The following ACOT1 variants were observed in gnomAD, a reference collection of about 807,000 sequenced individuals.
ACOT1 encodes acyl-coenzyme A thioesterase 1.
Under a neutral mutation model 15.7 loss-of-function variants are expected in ACOT1, and 8 were observed. That is an observed-to-expected ratio of 0.51 (90% confidence interval 0.30 to 0.92). ACOT1 has a LOEUF of 0.92. ACOT1 is among the 40% of genes least tolerant of loss of function. The probability of loss-of-function intolerance (pLI) is 0.06; values close to 1 mark genes in which losing one functional copy is unlikely to be tolerated. For synonymous variants in ACOT1, 67 were observed against 241.2 expected (o/e 0.28, Z 6.69); for missense variants, 151 against 539.4 (o/e 0.28, Z 7.13).
the ACOT1 span, chr14:73,498,303 G>T: frequency 6.2e-7 from 1 of 1,611,852 alleles, no homozygotes; most frequent in Non-Finnish European, 8.5e-7. Flanking sequence ...CAGAGCAGAA[G>T]ATCCGTCAGC....
upstream of ACOT1, among the ~76,000 whole-genome samples, chr14:73,534,807 C>CTT (rs553194860): frequency 6.4e-5 from 6 of 93,872 alleles, no homozygotes; most frequent in African/African-American, 2.1e-4. Flanking sequence ...ATCTTTTCTG[C>CTT]TTTTTTTTTT....
chr14:73,528,392 CAA>C, the ACOT1 span, among the ~76,000 whole-genome samples: 1,269 of 88,442 alleles, frequency 0.014, 15 homozygotes, highest in African/African-American at 0.059. Flanking sequence ...AACTTCATCT[CAA>C]AAAAAAAAAA....
At chr14:73,512,821 T>A in the ACOT1 span, among the ~76,000 whole-genome samples, 1 of 152,208 alleles carries the variant, frequency 6.6e-6, no homozygotes, top group Non-Finnish European at 1.5e-5. Flanking sequence ...CCTTCAGTCT[T>A]TTTTGTTATT....
At chr14:73,501,011 A>G in the ACOT1 span, among the ~76,000 whole-genome samples, 2 of 152,218 alleles carry the variant, frequency 1.3e-5, no homozygotes, top group Non-Finnish European at 1.5e-5. Flanking sequence ...TTCACAGTCA[A>G]GTTCTCTTCT....
At chr14:73,505,890 C>CTTTTTTTTTTTTTTTTTTTTTTTTTT in the ACOT1 span, among the ~76,000 whole-genome samples, 1 of 113,324 alleles carries the variant, frequency 8.8e-6, no homozygotes, top group Non-Finnish European at 1.8e-5. Flanking sequence ...ATAAACGTTT[C>CTTTTTTTTTTTTTTTTTTTTTTTTTT]TTTTTTTTTT....
chr14:73,518,528 C>G, the ACOT1 span, among the ~76,000 whole-genome samples: 1 of 152,092 alleles, frequency 6.6e-6, no homozygotes, highest in African/African-American at 2.4e-5. Context: ...GGAAGATGTG[C>G]ACATTTTGTT....
chr14:73,528,403 A>AAAAAAAC, the ACOT1 span, among the ~76,000 whole-genome samples: 1 of 151,622 alleles, frequency 6.6e-6, no homozygotes, highest in Non-Finnish European at 1.5e-5. Flanking sequence ...AAAAAAAAAA[A>AAAAAAAC]AAAAAAAAAA....
chr14:73,490,982 G>T, the ACOT1 span: 5 of 1,324,020 alleles, frequency 3.8e-6, no homozygotes, highest in African/African-American at 6.1e-5. Context: ...CTTCGCCCCC[G>T]GCCGGCCGGG....
rs1415969563 is a variant in ACOT1, at chr14:73,539,090, G to T, written c.457+1212G>T. ...TTTTTAATAAAAAGAATTCCAACTG[G>T]TTTTCTCACTGTATTTCCATGGCAG... On this transcript the variant is annotated intron_variant, in intron 1 of 2. Transcript: ENST00000311148. 1.4e-4 allele frequency: 16 copies of T among 115,560 alleles called. 1 individual carries two copies. The highest frequency in any genetic ancestry group is 4.5e-4 in the African/African-American group (16 of 35,596). 7.2% of individuals were successfully genotyped at this position (115,560 alleles called of 1,614,324 possible).
upstream of ACOT1, among the ~76,000 whole-genome samples, chr14:73,532,323 CT>C (rs1318941656): frequency 2.6e-5 from 3 of 116,304 alleles, 1 homozygote; most frequent in Admixed American, 9.7e-5. Flanking sequence ...TTAACACTAG[CT>C]TTTACAAGGA....
chr14:73,498,934 G>T, the ACOT1 span: 2 of 742,786 alleles, frequency 2.7e-6, no homozygotes, highest in Non-Finnish European at 4.6e-6. Context: ...TCTCTTTTCA[G>T]ACAAGGAACT....
intron 1 of ACOT1, among the ~76,000 whole-genome samples, chr14:73,540,195 CAA>C (rs1889028488): frequency 6.7e-6 from 1 of 148,858 alleles, no homozygotes; most frequent in Admixed American, 6.8e-5. Context: ...TCTTAACTTA[CAA>C]AGTTAAATAT....
chr14:73,509,523 C>T, the ACOT1 span: 1 of 1,594,484 alleles, frequency 6.3e-7, no homozygotes, highest in Non-Finnish European at 8.6e-7. Flanking sequence ...TTGCTTTTCT[C>T]ACACACAGCT....
At chr14:73,501,371 C>T in the ACOT1 span, among the ~76,000 whole-genome samples, 3 of 151,940 alleles carry the variant, frequency 2.0e-5, no homozygotes, top group Admixed American at 6.6e-5. Flanking sequence ...GTGATCTGCC[C>T]GCCTCGGCCT....
At chr14:73,505,648 C>A in the ACOT1 span, among the ~76,000 whole-genome samples, 1 of 152,070 alleles carries the variant, frequency 6.6e-6, no homozygotes, top group Non-Finnish European at 1.5e-5. Context: ...CTGCCTTGGC[C>A]TCCCAAAGTG....
chr14:73,509,866 A>ATATATTTATATATTTATATATT, the ACOT1 span, among the ~76,000 whole-genome samples: 3 of 67,524 alleles, frequency 4.4e-5, no homozygotes, highest in African/African-American at 1.9e-4. Context: ...ATATATATAT[A>ATATATTTATATATTTATATATT]TATTTATTTA....
the ACOT1 span, among the ~76,000 whole-genome samples, chr14:73,494,849 C>T: frequency 6.6e-6 from 1 of 152,160 alleles, no homozygotes; most frequent in Non-Finnish European, 1.5e-5. Context: ...GTGTGCGCCA[C>T]CACGCCCAAC....
chr14:73,491,002 C>G, the ACOT1 span: 1 of 1,385,908 alleles, frequency 7.2e-7, no homozygotes, highest in Non-Finnish European at 9.4e-7. Context: ...GCGGGGAAGA[C>G]TGGTGTGGTC....
chr14:73,540,885 G>A (rs1217911563), intron 1 of ACOT1, among the ~76,000 whole-genome samples: 1 of 112,370 alleles, frequency 8.9e-6, no homozygotes, highest in African/African-American at 3.0e-5. Context: ...GGGATTACAG[G>A]TGGCCGCCAC....
Sources: allele counts gnomAD v4.1 joint callset (sites outside exome capture counted in the v4.1 genomes callset), GRCh38; gene constraint gnomAD v4.1.1; transcripts MANE v1.5; gene names NCBI Gene and HGNC (gene_info 2026-07-23, HGNC 2026-07-21).